MROH2A: variants seen among roughly 807,000 people sequenced by gnomAD.
The protein encoded by MROH2A is maestro heat like repeat family member 2A.
Under a neutral mutation model 200.4 loss-of-function variants are expected in MROH2A, and 174 were observed. The observed-to-expected ratio is 0.87, with a 90% confidence interval of 0.77 to 0.98. MROH2A has a LOEUF of 0.98. MROH2A is among the 50% of genes least tolerant of loss of function. MROH2A has a pLI of 0.00. For missense variants in MROH2A, 2,045 were observed against 2,139.6 expected, an observed-to-expected ratio of 0.96 and a Z score of 0.87; for synonymous variants, 829 against 840.4, an observed-to-expected ratio of 0.99 and a Z score of 0.23.
chr2:233,816,722 G>C, intron 26 of MROH2A, 59 bp from the exon 27 acceptor site: 2 of 1,238,862 alleles, frequency 1.6e-6, no homozygotes, highest in Non-Finnish European at 2.3e-6. Flanking sequence ...AAGCTGGCCA[G>C]GAAAGGGCTG....
Position 233,794,391 on chromosome 2 carries a change from A to T in MROH2A, c.851A>T (p.Lys284Met). The T allele has an allele frequency of 6.5e-7, 1 of 1,550,164 alleles. No homozygotes were observed. Among genetic ancestry groups the T allele is most frequent in the Non-Finnish European group, 8.7e-7 (1 of 1,146,814 alleles). The change falls in exon 8 of 42, where the codon AAG (lysine) becomes ATG (methionine). Residue 284 changes from lysine (K) to methionine (M), a missense_variant. Physicochemically the swap from Lys to Met is moderately conservative, Grantham distance 95. This residue lies in a region of MROH2A where 831 missense variants were observed against 800.0 expected (regional missense o/e 1.04). Coordinates refer to ENST00000389758, the MANE Select transcript of MROH2A (RefSeq NM_001394639.1). Reference protein sequence around the residue: ...EVKLGVIKSLKPMLGLLLPND... With the variant: ...EVKLGVIKSLMPMLGLLLPND... ...AAGCTGGGGGTGATCAAGTCCCTGA[A>T]GCCCATGCTCGGCCTCCTTCTGCCC...
chr2:233,832,532 C>T, intron 40 of MROH2A, 47 bp from the exon 41 acceptor site: 1 of 1,375,810 alleles, frequency 7.3e-7, no homozygotes, highest in Non-Finnish European at 1.0e-6. Flanking sequence ...GACTTGCCTG[C>T]TGACCTAATA....
At chr2:233,803,543 C>T (rs1360921614) in intron 16 of MROH2A, 55 bp downstream of exon 16, 6 of 1,538,126 alleles carry the variant, frequency 3.9e-6, no homozygotes, top group South Asian at 1.2e-5. Context: ...CCCTGTGGCA[C>T]CTCTTCTTTA....
At chr2:233,786,400 G>C (rs975341074) in intron 3 of MROH2A, among the ~76,000 whole-genome samples, 4 of 152,150 alleles carry the variant, frequency 2.6e-5, no homozygotes, top group Non-Finnish European at 4.4e-5. Context: ...CTGTGCATGC[G>C]CACAGTGGGA....
intron 5 of MROH2A, among the ~76,000 whole-genome samples, 198 bp from the exon 6 acceptor site, chr2:233,792,598 A>T (rs528501587): frequency 1.3e-5 from 2 of 151,924 alleles, no homozygotes; most frequent in African/African-American, 2.4e-5. Context: ...CAGGCGTGAG[A>T]CACCGTGCCC....
rs1372342150 is a variant in MROH2A, at chr2:233,822,386, C to G, written c.3696C>G (p.Leu1232=). 6.4e-7 allele frequency: 1 copy of G among 1,551,032 alleles called. No individual in the cohort carries two copies. The highest frequency in any genetic ancestry group is 8.7e-7 in the Non-Finnish European group (1 of 1,147,104). Residue 1232 remains leucine (L), a synonymous_variant, in exon 33 of 42, where the codon CTC becomes CTG. Coordinates refer to ENST00000389758, the MANE Select transcript of MROH2A (RefSeq NM_001394639.1). ...AGACCCTGTGCACCATCCACCTTCT[C>G]ATTCAGAAGCTGGATGAGAATGACA... The part of the protein sequence containing the change: ...PLMTLCTIHL[L]IQKLDENDKL...
Position 233,810,800 on chromosome 2 carries a change from T to TC in MROH2A, c.2455_2456insC (p.Cys819SerfsTer48). ...TTTCCCCTTCTGGGCTCAGGACATC[T>TC]GTCTCAAAATGGCCTTCATGAAGAG... On this transcript the variant is annotated frameshift_variant, in exon 23 of 42. Coordinates refer to ENST00000389758, the MANE Select transcript of MROH2A (RefSeq NM_001394639.1). LOFTEE classifies it high-confidence loss of function. 6.5e-7 allele frequency: 1 copy of TC among 1,550,298 alleles called. No individual in the cohort carries two copies. Among genetic ancestry groups the TC allele is most frequent in the Non-Finnish European group, 8.7e-7 (1 of 1,146,752 alleles).
Position 233,829,751 on chromosome 2 carries a change from G to A in MROH2A, c.4578G>A (p.Gln1526=). The A allele has an allele frequency of 7.0e-7, 1 of 1,430,772 alleles. No individual in the cohort carries two copies. The highest frequency in any genetic ancestry group is 9.2e-7 in the Non-Finnish European group (1 of 1,087,954). The allele number at this position is 1,430,772 out of a possible 1,614,324, so 88.6% of individuals were successfully genotyped here. Residue 1526 remains glutamine (Q), a synonymous_variant, in exon 38 of 42, where the codon CAG becomes CAA. Transcript: ENST00000389758. ...GGATCCCCCTCATGCTGCACTCCCA[G>A]GACCCCTGCTCCAATGCAGCCCAAG... is the stretch of plus-strand genomic sequence containing the variant. ...KAWIPLMLHS[Q]DPCSNAAQAC... is the part of the protein sequence containing the mutation.
Position 233,779,696 on chromosome 2 carries a change from T to C in MROH2A, c.120T>C (p.Leu40=), listed in dbSNP as rs35707910. Reference sequence around the variant, plus strand: ...GTACCTTTCAACAAGTCGTGAACCTTCTGGACATCATTGACAGCGAGTCAG... The same window carrying C: ...GTACCTTTCAACAAGTCGTGAACCTCCTGGACATCATTGACAGCGAGTCAG... The part of the protein sequence containing the change: ...DSGTFQQVVN[L]LDIIDSESAK... The change falls in exon 3 of 42, where the codon CTT becomes CTC. Residue 40 remains leucine (L), a synonymous_variant. Coordinates refer to ENST00000389758, the MANE Select transcript of MROH2A (RefSeq NM_001394639.1). 2,795 of 1,551,108 alleles carry C rather than the reference T, an allele frequency of 1.8e-3. 54 individuals are homozygous for C. In the African/African-American group the frequency reaches 0.035, roughly 19 times the overall value.
At chr2:233,787,406 AACACACAC>A (rs149271880) in intron 3 of MROH2A, among the ~76,000 whole-genome samples, 3 of 127,272 alleles carry the variant, frequency 2.4e-5, no homozygotes, top group South Asian at 2.4e-4. Context: ...GGATATGTAT[AACACACAC>A]ACACACACAC....
rs745414628 is a variant in MROH2A, at chr2:233,779,758, G to A, written c.182G>A (p.Arg61Gln). 7.0e-5 allele frequency: 109 copies of A among 1,550,806 alleles called. No homozygotes were observed. The highest frequency in any genetic ancestry group is 1.7e-4 in the Middle Eastern group (1 of 6,014). ...ACAACAGGGGCAGGCCTTGACATGCGGAAGACCCTGGCCTCGGTGATAATC... is the reference window on the plus strand; with the variant it reads ...ACAACAGGGGCAGGCCTTGACATGCAGAAGACCCTGGCCTCGGTGATAATC... Reference protein sequence around the residue: ...TDTTGAGLDMRKTLASVIIME... With the variant: ...TDTTGAGLDMQKTLASVIIME... The change falls in exon 3 of 42, where the codon CGG (arginine) becomes CAG (glutamine). Residue 61 changes from arginine to glutamine, a missense_variant. This residue lies in a region of MROH2A where 831 missense variants were observed against 800.0 expected (regional missense o/e 1.04). Coordinates refer to ENST00000389758, the MANE Select transcript of MROH2A (RefSeq NM_001394639.1).
intron 14 of MROH2A, among the ~76,000 whole-genome samples, chr2:233,800,965 C>A (rs11888279): frequency 0.32 from 47,953 of 151,754 alleles, 8,779 homozygotes; most frequent in African/African-American, 0.5. Context: ...TAATAATAAT[C>A]ATCATCATCA....
chr2:233,811,171 C>A (rs1181301921), intron 23 of MROH2A, among the ~76,000 whole-genome samples: 1 of 152,212 alleles, frequency 6.6e-6, no homozygotes, highest in Non-Finnish European at 1.5e-5. Context: ...GTGCCCAGGG[C>A]AGCTGGTTAA....
chr2:233,829,629 C>T lies in MROH2A; in HGVS notation c.4456C>T (p.Leu1486=), dbSNP rs1475417750. Residue 1486 remains leucine (L), a synonymous_variant, in exon 38 of 42, where the codon CTG becomes TTG. Transcript: ENST00000389758. ...TCCATCCTGGCCACAGGAGAGCGAG[C>T]TGCTGCGTCTGAAAGCCTTCATCCT... ...CRIFFDNESE[L]LRLKAFILFG... is the part of the protein sequence containing the mutation. 7.0e-7 allele frequency: 1 copy of T among 1,426,908 alleles called. No individual in the cohort carries two copies. The highest frequency in any genetic ancestry group is 1.6e-5 in the South Asian group (1 of 63,594). The allele number at this position is 1,426,908 out of a possible 1,614,324, so 88.4% of individuals were successfully genotyped here. A position where few individuals can be genotyped will look rare whatever the true frequency, so the allele number is the denominator to read the frequency against.
rs188847869 is a variant in MROH2A, at chr2:233,832,640, G to T, written c.4899G>T (p.Arg1633=). 1 of 1,546,802 alleles carries T rather than the reference G, an allele frequency of 6.5e-7. No homozygotes were observed. The highest frequency in any genetic ancestry group is 1.4e-5 in the African/African-American group (1 of 73,020). The change falls in exon 41 of 42, where the codon CGG becomes CGT. Residue 1633 remains arginine (R), a synonymous_variant. Coordinates refer to ENST00000389758, the MANE Select transcript of MROH2A (RefSeq NM_001394639.1). ...AAAAGCTGGACTTCCCAGCATTACGGAATTGTGAGTAGTGGAGAGTGTTAG... is the reference window on the plus strand; with the variant it reads ...AAAAGCTGGACTTCCCAGCATTACGTAATTGTGAGTAGTGGAGAGTGTTAG... ...YLKKLDFPAL[R]NSLQELQLDP... is the part of the protein sequence containing the mutation.
At chr2:233,827,186 C>A (rs1347766428) in intron 35 of MROH2A, among the ~76,000 whole-genome samples, 1 of 152,104 alleles carries the variant, frequency 6.6e-6, no homozygotes, top group African/African-American at 2.4e-5. Context: ...GATCTAGAAC[C>A]AAAAATACCA....
chr2:233,786,392 G>A (rs1019405581), intron 3 of MROH2A, among the ~76,000 whole-genome samples: 2 of 152,186 alleles, frequency 1.3e-5, no homozygotes, highest in Non-Finnish European at 2.9e-5. Flanking sequence ...TGGCTCTCCT[G>A]TGCATGCGCA....
At chr2:233,818,371 G>A (rs961148424) in intron 28 of MROH2A, among the ~76,000 whole-genome samples, 4 of 152,138 alleles carry the variant, frequency 2.6e-5, no homozygotes, top group African/African-American at 9.7e-5. Context: ...GGGCACTGAG[G>A]GCCTGGCTGG....
rs537532834 is a variant in MROH2A at position 233,793,782 on chromosome 2, T to C, written c.780T>C (p.Tyr260=). Residue 260 remains tyrosine, a synonymous_variant, in exon 7 of 42, where the codon TAT becomes TAC. Transcript: ENST00000389758. ...TTGCCCTGAAGGTGTTCCCCATGTA[T>C]CGCTACTTCGTGACAGTGTGGCTGA... is the stretch of plus-strand genomic sequence containing the variant. ...EEFALKVFPM[Y]RYFVTVWLRH... 1,524 of 1,485,982 alleles carry C rather than the reference T, an allele frequency of 1.0e-3. 1 individual carries two copies. The highest frequency in any genetic ancestry group is 1.3e-3 in the Non-Finnish European group (1,446 of 1,115,322). 92.0% of individuals were successfully genotyped at this position (1,485,982 alleles called of 1,614,324 possible).
Sources: allele counts gnomAD v4.1 joint callset (sites outside exome capture counted in the v4.1 genomes callset), GRCh38; gene constraint gnomAD v4.1.1; regional missense constraint gnomAD v4.1.1; transcripts MANE v1.5; gene names NCBI Gene and HGNC (gene_info 2026-07-23, HGNC 2026-07-21).